The following RABGAP1L variants were observed in gnomAD, a reference collection of about 807,000 sequenced individuals.
RABGAP1L encodes the protein RAB GTPase activating protein 1 like.
In RABGAP1L, 63 loss-of-function variants were observed where a neutral mutation model predicts 137.7. That is an observed-to-expected ratio of 0.46 (90% CI 0.37 to 0.56). RABGAP1L has a LOEUF of 0.56. Among genes scored for constraint, RABGAP1L ranks in the 20% least tolerant of loss-of-function variants. RABGAP1L has a pLI of 0.00. For missense variants in RABGAP1L, 1,095 were observed against 1,244.0 expected, an observed-to-expected ratio of 0.88 and a Z score of 1.80; for synonymous variants, 431 against 433.7, an observed-to-expected ratio of 0.99 and a Z score of 0.08.
At chr1:174,195,114 G>A (rs1667474416) in intron 1 of RABGAP1L, among the ~76,000 whole-genome samples, 1 of 152,094 alleles carries the variant, frequency 6.6e-6, no homozygotes, top group South Asian at 2.1e-4. Context: ...AGTTGAGAAG[G>A]ACTTGATTAT....
intron 11 of RABGAP1L, among the ~76,000 whole-genome samples, chr1:174,327,986 CATAT>C (rs3057021): frequency 0.15 from 7,797 of 53,376 alleles, 600 homozygotes; most frequent in East Asian, 0.24. Flanking sequence ...TATACACACA[CATAT>C]ATATATATAT....
chr1:174,646,590 A>C (rs1674985280), intron 14 of RABGAP1L, among the ~76,000 whole-genome samples: 1 of 152,172 alleles, frequency 6.6e-6, no homozygotes. Context: ...TGATACCAGT[A>C]CCATGCTGTT....
intron 13 of RABGAP1L, among the ~76,000 whole-genome samples, chr1:174,620,187 A>G (rs1177094260): frequency 6.6e-6 from 1 of 152,210 alleles, no homozygotes; most frequent in Non-Finnish European, 1.5e-5. Context: ...TAATAATGGG[A>G]GACTTTAACA....
intron 17 of RABGAP1L, among the ~76,000 whole-genome samples, chr1:174,730,276 G>A (rs1682351456): frequency 6.6e-6 from 1 of 152,136 alleles, no homozygotes; most frequent in African/African-American, 2.4e-5. Flanking sequence ...CATAAAGATA[G>A]CAACAATAGA....
In RABGAP1L at chr1:174,448,509, C is replaced by T; in HGVS notation, c.1710+54364C>T. 1 of 1,613,206 alleles carries T rather than the reference C, an allele frequency of 6.2e-7. No homozygotes were observed. The highest frequency in any genetic ancestry group is 8.5e-7 in the Non-Finnish European group (1 of 1,179,192). Reference sequence around the variant, plus strand: ...AAAAGTGTTTCTATGGCATGTCTTGCTTGCATCAGTGTGGATCGTTATCTT... The same window carrying T: ...AAAAGTGTTTCTATGGCATGTCTTGTTTGCATCAGTGTGGATCGTTATCTT... On this transcript the variant is annotated intron_variant, in intron 13 of 25. Transcript: ENST00000681986. The surrounding 1 kb of genome is among the most constrained non-coding windows in gnomAD (Gnocchi z 4.2).
chr1:174,238,967 G>C (rs1571717447), intron 4 of RABGAP1L: 1 of 158,144 alleles, frequency 6.3e-6, no homozygotes, highest in African/African-American at 2.4e-5. Flanking sequence ...ATATAGTCTC[G>C]TGGTGCGCCC....
rs926848229 is a variant in RABGAP1L, at chr1:174,363,455, C to A, written c.1466-7524C>A. On this transcript the variant is annotated intron_variant, in intron 11 of 25. Coordinates refer to ENST00000681986, the MANE Select transcript of RABGAP1L (RefSeq NM_001366446.1). Reference sequence around the variant, plus strand: ...TCATTTGTTTTTTCATCTCTGATTTCTTTGAGCAGTGGTTTGTAGTTCTCC... The same window carrying A: ...TCATTTGTTTTTTCATCTCTGATTTATTTGAGCAGTGGTTTGTAGTTCTCC... Among the ~76,000 whole-genome samples, 3 of 152,188 alleles carry A rather than the reference C, an allele frequency of 2.0e-5. No individual in the cohort carries two copies. The East Asian group carries it at 5.8e-4, about 29-fold the overall frequency.
chr1:174,684,506 G>T (rs1376048790), intron 15 of RABGAP1L, among the ~76,000 whole-genome samples: 2 of 152,352 alleles, frequency 1.3e-5, no homozygotes, highest in East Asian at 3.9e-4. Context: ...ATGGGAAATT[G>T]TGAAGACTTT....
chr1:174,972,963 A>C (rs1243163777), intron 21 of RABGAP1L, among the ~76,000 whole-genome samples: 1 of 151,742 alleles, frequency 6.6e-6, no homozygotes, highest in Non-Finnish European at 1.5e-5. Context: ...ATTTGTGTTT[A>C]GCATTTCATT....
intron 17 of RABGAP1L, among the ~76,000 whole-genome samples, chr1:174,733,173 G>C (rs1682650404): frequency 6.6e-6 from 1 of 152,128 alleles, no homozygotes; most frequent in South Asian, 2.1e-4. Flanking sequence ...AATAAAAGGA[G>C]GAAGCGGTCA....
At position 174,761,865 on chromosome 1, in the gene RABGAP1L, A is replaced by G. The variant is rs1451756813; in HGVS notation, c.2211+9511A>G. On this transcript the variant is annotated intron_variant, in intron 18 of 25. Transcript: ENST00000681986. The surrounding 1 kb of genome is among the most constrained non-coding windows in gnomAD (Gnocchi z 4.0). ...GTTTGGGTGGGGACACAGCCAAACC[A>G]TATCAACAATAAACATAATAAATAT... 6.6e-6 allele frequency among the ~76,000 whole-genome samples: 1 copy of G among 152,222 alleles called. No individual in the cohort carries two copies. Among genetic ancestry groups the G allele is most frequent in the Non-Finnish European group, 1.5e-5 (1 of 68,034 alleles).
chr1:174,322,287 T>TA (rs10716123), intron 11 of RABGAP1L, among the ~76,000 whole-genome samples: 1 of 152,040 alleles, frequency 6.6e-6, no homozygotes, highest in Non-Finnish European at 1.5e-5. Flanking sequence ...TTTTTTGGCT[T>TA]AAAAAACAGA....
intron 19 of RABGAP1L, among the ~76,000 whole-genome samples, chr1:174,946,960 G>A (rs1449322001): frequency 1.3e-4 from 16 of 123,822 alleles, no homozygotes; most frequent in East Asian, 8.7e-4. Context: ...GTGTGTGTGT[G>A]TGTGTGTGTG....
At chr1:174,783,203 A>C (rs1416097092) in intron 18 of RABGAP1L, among the ~76,000 whole-genome samples, 2 of 152,112 alleles carry the variant, frequency 1.3e-5, no homozygotes, top group Non-Finnish European at 2.9e-5. Flanking sequence ...AAGGCTCGCC[A>C]TTGTTCCTGC....
rs751158993 is a variant in RABGAP1L, at chr1:174,958,104, A to T, written c.2433+555A>T. The T allele has an allele frequency of 2.6e-6, 4 of 1,513,032 alleles. No individual in the cohort carries two copies. In the Admixed American group the frequency reaches 6.0e-5, roughly 23 times the overall value. 93.7% of individuals were successfully genotyped at this position (1,513,032 alleles called of 1,614,324 possible). ...CCAAGACTGACACAAGGATGTTTCAAACTTGCCTCTGTCTGTAGAAAATGT... is the reference window on the plus strand; with the variant it reads ...CCAAGACTGACACAAGGATGTTTCATACTTGCCTCTGTCTGTAGAAAATGT... On this transcript the variant is annotated intron_variant, in intron 20 of 25. Transcript: ENST00000681986.
chr1:174,979,236 G>T (rs1187224859), intron 23 of RABGAP1L, among the ~76,000 whole-genome samples: 2 of 152,070 alleles, frequency 1.3e-5, no homozygotes, highest in Non-Finnish European at 2.9e-5. Flanking sequence ...TTTCTTTGGG[G>T]GAAGAAATAT....
chr1:174,717,390 C>G (rs1681106829), intron 17 of RABGAP1L, among the ~76,000 whole-genome samples: 1 of 152,126 alleles, frequency 6.6e-6, no homozygotes, highest in Admixed American at 6.5e-5. Flanking sequence ...GCCTGGGCAA[C>G]AGAACGAGAT....
At chr1:174,580,934 T>G (rs748172961) in intron 13 of RABGAP1L, among the ~76,000 whole-genome samples, 2 of 152,144 alleles carry the variant, frequency 1.3e-5, no homozygotes, top group African/African-American at 2.4e-5. Flanking sequence ...AAAAGATGCT[T>G]AACACCATTA....
intron 18 of RABGAP1L, chr1:174,800,184 C>T: frequency 7.2e-7 from 1 of 1,397,916 alleles, no homozygotes; most frequent in Non-Finnish European, 9.3e-7. Context: ...AAATGTTTTT[C>T]TTGTGGAGAC....
Sources: gnomAD v4.1 joint callset for allele counts (sites outside exome capture counted in the v4.1 genomes callset) on GRCh38, gnomAD v4.1.1 for gene constraint, Gnocchi (gnomAD v3.1) non-coding constraint, MANE v1.5 for transcripts, NCBI Gene and HGNC (gene_info 2026-07-23, HGNC 2026-07-21) for gene names.